The following OXR1 variants were observed in gnomAD, a reference collection of about 807,000 sequenced individuals.
OXR1 encodes oxidation resistance 1.
OXR1 carries 41 observed loss-of-function variants against 104.6 expected under a neutral mutation model. That is an observed-to-expected ratio of 0.39 (90% CI 0.31 to 0.51). The LOEUF (loss-of-function observed/expected upper bound fraction) is 0.51, where lower values mean the gene tolerates loss of function less well. Ranked by LOEUF, OXR1 falls within the 20% of genes least tolerant of loss-of-function variation. The pLI, the probability that OXR1 is intolerant of heterozygous loss-of-function variation, is 0.77. For synonymous variants in OXR1, 348 were observed against 348.4 expected (o/e 1.00, Z 0.01); for missense variants, 955 against 1,031.9 (o/e 0.93, Z 1.02).
chr8:106,680,826 C>G (rs1828076999), intron 4 of OXR1, among the ~76,000 whole-genome samples: 1 of 152,120 alleles, frequency 6.6e-6, no homozygotes, highest in Non-Finnish European at 1.5e-5. Context: ...TCTTCTTCCT[C>G]CATCCTTCCA....
At chr8:106,275,634 A>G (rs189492163) in intron 1 of OXR1, among the ~76,000 whole-genome samples, 254 of 152,316 alleles carry the variant, frequency 1.7e-3, no homozygotes, top group Non-Finnish European at 2.8e-3. Flanking sequence ...TTTGGGGGAA[A>G]AGGAAATATT....
Position 106,364,449 on chromosome 8 carries a change from G to A in OXR1, c.23+4813G>A, listed in dbSNP as rs188968180. ...ACAAAAAATTTGCATGGATGGTGGC[G>A]CACACCAGTAGTCCCAGCTACTCAG... On this transcript the variant is annotated intron_variant, in intron 2 of 16. Transcript: ENST00000517566. Among the ~76,000 whole-genome samples the A allele has an allele frequency of 1.5e-3, 221 of 152,002 alleles. 2 individuals carry two copies. The South Asian group carries it at 0.017, about 11-fold the overall frequency.
chr8:106,710,750 G>T lies in OXR1; in HGVS notation c.1753G>T (p.Asp585Tyr). 1 of 1,561,254 alleles carries T rather than the reference G, an allele frequency of 6.4e-7. No homozygotes were observed. Among genetic ancestry groups the T allele is most frequent in the African/African-American group, 1.4e-5 (1 of 72,692 alleles). Reference sequence around the variant, plus strand: ...TACAATGCAACAGTATGCACAGAGAGATAAGAAACATGAATATTGGTTTGC... The same window carrying T: ...TACAATGCAACAGTATGCACAGAGATATAAGAAACATGAATATTGGTTTGC... ...SATMQQYAQR[D>Y]KKHEYWFAVP... Residue 585 changes from aspartate (D) to tyrosine (Y), a missense_variant, in exon 10 of 17, where the codon GAT becomes TAT. Physicochemically the swap from Asp to Tyr is radical, Grantham distance 160 (BLOSUM62 -3). Transcript: ENST00000517566.
intron 3 of OXR1, among the ~76,000 whole-genome samples, chr8:106,622,291 C>T (rs1821767959): frequency 6.6e-6 from 1 of 152,010 alleles, no homozygotes; most frequent in Admixed American, 6.6e-5. Context: ...GACTCCCAAC[C>T]GGCCTCCTGT....
Position 106,274,574 on chromosome 8 carries a change from A to G in OXR1, c.-139+4207A>G, listed in dbSNP as rs561799147. On this transcript the variant is annotated intron_variant, in intron 1 of 16. Transcript: ENST00000517566. ...TCGCAGCAGACTTGATACTCCTGCT[A>G]AGACTCTGGGGCACCCAGCAACGCC... 4.0e-5 allele frequency among the ~76,000 whole-genome samples: 6 copies of G among 151,576 alleles called. No homozygotes were observed. In the East Asian group the frequency reaches 7.8e-4, roughly 20 times the overall value.
chr8:106,653,142 G>A (rs1485781583), intron 3 of OXR1, among the ~76,000 whole-genome samples: 1 of 148,716 alleles, frequency 6.7e-6, no homozygotes, highest in East Asian at 2.0e-4. Flanking sequence ...AGAAAGAAAA[G>A]CCTAGAGCCA....
chr8:106,340,111 G>A (rs2130263083), intron 1 of OXR1, among the ~76,000 whole-genome samples: 1 of 151,644 alleles, frequency 6.6e-6, no homozygotes, highest in African/African-American at 2.4e-5. Flanking sequence ...TCATTCAGAA[G>A]TTTTAACTGT....
intron 2 of OXR1, among the ~76,000 whole-genome samples, chr8:106,453,100 A>G (rs1289549131): frequency 6.6e-6 from 1 of 152,102 alleles, no homozygotes; most frequent in Admixed American, 6.5e-5. Context: ...ACTTCCTTGT[A>G]CTACTTCCTC....
intron 3 of OXR1, among the ~76,000 whole-genome samples, chr8:106,651,173 G>C (rs909432213): frequency 1.3e-5 from 2 of 152,150 alleles, no homozygotes; most frequent in Non-Finnish European, 2.9e-5. Flanking sequence ...TATGAAAGTG[G>C]TAGTTTCCAC....
At chr8:106,342,955 A>ACTTCACATCAAATCTCTGAAAGTAGAG (rs1371168983) in intron 1 of OXR1, among the ~76,000 whole-genome samples, 2 of 152,168 alleles carry the variant, frequency 1.3e-5, no homozygotes, top group Non-Finnish European at 2.9e-5. Context: ...GAAACTAGAC[A>ACTTCACATCAAATCTCTGAAAGTAGAG]GCTTCCCTTG....
intron 2 of OXR1, among the ~76,000 whole-genome samples, chr8:106,414,430 G>T (rs571924278): frequency 6.6e-6 from 1 of 152,092 alleles, no homozygotes; most frequent in Non-Finnish European, 1.5e-5. Context: ...ATTGTGACAC[G>T]ATTATTATAT....
chr8:106,277,720 AG>A (rs1272724339), intron 1 of OXR1, among the ~76,000 whole-genome samples: 3 of 152,190 alleles, frequency 2.0e-5, no homozygotes, highest in Non-Finnish European at 2.9e-5. Context: ...CTTACTCTTC[AG>A]GGTTCTAAGA....
chr8:106,391,302 G>A (rs185787519), intron 2 of OXR1, among the ~76,000 whole-genome samples: 39 of 152,230 alleles, frequency 2.6e-4, no homozygotes, highest in African/African-American at 8.7e-4. Context: ...ACATTTTGCT[G>A]TAGATCTAAT....
chr8:106,399,888 G>T (rs930856273), intron 2 of OXR1, among the ~76,000 whole-genome samples: 8 of 152,094 alleles, frequency 5.3e-5, no homozygotes, highest in African/African-American at 1.9e-4. Context: ...ATAAGATAAA[G>T]GGTTCTGTAG....
intron 2 of OXR1, among the ~76,000 whole-genome samples, chr8:106,413,344 T>C (rs1818540049): frequency 6.6e-6 from 1 of 152,132 alleles, no homozygotes; most frequent in Non-Finnish European, 1.5e-5. Flanking sequence ...CTCTCAGAAT[T>C]AACGATCCCT....
chr8:106,294,395 CAAAA>C (rs1200997871), intron 1 of OXR1, among the ~76,000 whole-genome samples: 2 of 70,388 alleles, frequency 2.8e-5, no homozygotes, highest in Admixed American at 1.7e-4. Context: ...GACTCTGTCT[CAAAA>C]AAAAAAAAAA....
chr8:106,728,318 T>C (rs189597850), intron 11 of OXR1, among the ~76,000 whole-genome samples: 1 of 151,896 alleles, frequency 6.6e-6, no homozygotes, highest in Non-Finnish European at 1.5e-5. Flanking sequence ...CTTTTTAGAA[T>C]TCTTCGTCTT....
intron 2 of OXR1, among the ~76,000 whole-genome samples, chr8:106,470,529 G>A (rs372717302): frequency 1.3e-5 from 2 of 151,808 alleles, no homozygotes; most frequent in Non-Finnish European, 2.9e-5. Flanking sequence ...GTTTGGACAT[G>A]TGAACCTTGT....
rs57623085 is a variant in OXR1 at position 106,629,519 on chromosome 8, A to G, written c.221-49691A>G. Among the ~76,000 whole-genome samples the G allele has an allele frequency of 9.6e-4, 146 of 152,328 alleles. 2 individuals carry two copies. In the East Asian group the frequency reaches 0.025, roughly 26 times the overall value. On this transcript the variant is annotated intron_variant, in intron 3 of 16. Coordinates refer to ENST00000517566, the MANE Select transcript of OXR1 (RefSeq NM_001198533.2). ...GTAAAAATAGCAGATGGCATAACTGACAAAGTAAATCATTGTCATTGCCAC... is the reference window on the plus strand; with the variant it reads ...GTAAAAATAGCAGATGGCATAACTGGCAAAGTAAATCATTGTCATTGCCAC...
Sources: gnomAD v4.1 joint callset for allele counts (sites outside exome capture counted in the v4.1 genomes callset) on GRCh38, gnomAD v4.1.1 for gene constraint, MANE v1.5 for transcripts, NCBI Gene and HGNC (gene_info 2026-07-23, HGNC 2026-07-21) for gene names.